The following LOC128125818 variants were observed in gnomAD, a reference collection of about 807,000 sequenced individuals.
At chr4:6,065,855 C>T in the LOC128125818 span, among the ~76,000 whole-genome samples, 35 of 152,266 alleles carry the variant, frequency 2.3e-4, no homozygotes, top group East Asian at 7.7e-4. The surrounding 1 kb of genome is among the most constrained non-coding windows in gnomAD (Gnocchi z 5.1). Context: ...GGGCCAGACA[C>T]GGGGCAGGCC....
the LOC128125818 span, chr4:6,069,931 C>A: frequency 2.5e-6 from 1 of 395,986 alleles, no homozygotes; most frequent in Non-Finnish European, 4.4e-6. The surrounding 1 kb of genome is among the most constrained non-coding windows in gnomAD (Gnocchi z 4.5). Flanking sequence ...TCTCTCTCAG[C>A]CACCTGTCTT....
the LOC128125818 span, among the ~76,000 whole-genome samples, chr4:6,068,129 G>T: frequency 6.6e-6 from 1 of 152,186 alleles, no homozygotes; most frequent in Non-Finnish European, 1.5e-5. Flanking sequence ...ACCAGTTAAA[G>T]ACTCAACTCT....
At chr4:6,066,005 T>C in the LOC128125818 span, among the ~76,000 whole-genome samples, 77 of 152,232 alleles carry the variant, frequency 5.1e-4, no homozygotes, top group African/African-American at 1.7e-3. Flanking sequence ...GGTTTTTTTT[T>C]CCCAAACAGC....
chr4:6,065,065 A>G, the LOC128125818 span: 1 of 1,609,094 alleles, frequency 6.2e-7, no homozygotes, highest in Non-Finnish European at 8.5e-7. The surrounding 1 kb of genome is among the most constrained non-coding windows in gnomAD (Gnocchi z 5.1). Context: ...AGAGTCTACC[A>G]GTCCCTGGTC....
the LOC128125818 span, chr4:6,070,035 A>G: frequency 7.5e-6 from 3 of 398,556 alleles, no homozygotes; most frequent in African/African-American, 6.2e-5. Context: ...TCAAAACGCA[A>G]AACCCCGAAC....
At chr4:6,067,544 G>C in the LOC128125818 span, among the ~76,000 whole-genome samples, 1 of 151,386 alleles carries the variant, frequency 6.6e-6, no homozygotes, top group African/African-American at 2.4e-5. The surrounding 1 kb of genome is among the most constrained non-coding windows in gnomAD (Gnocchi z 4.6). Context: ...ACATCCCATG[G>C]TGACAATGGC....
chr4:6,069,321 A>C, the LOC128125818 span, among the ~76,000 whole-genome samples: 2 of 152,246 alleles, frequency 1.3e-5, no homozygotes, highest in African/African-American at 4.8e-5. The surrounding 1 kb of genome is among the most constrained non-coding windows in gnomAD (Gnocchi z 4.5). Flanking sequence ...CATTAGGAGC[A>C]AAAATGTCCA....
the LOC128125818 span, chr4:6,069,956 AT>A: frequency 5.1e-6 from 2 of 395,728 alleles, no homozygotes; most frequent in Non-Finnish European, 8.9e-6. This position sits in a 1 kb window ranked among gnomAD's most constrained non-coding sequence, Gnocchi z 4.5. Context: ...CCTTCCTATC[AT>A]TTTCAACAGA....
chr4:6,069,853 G>A, the LOC128125818 span, among the ~76,000 whole-genome samples: 18 of 152,216 alleles, frequency 1.2e-4, no homozygotes, highest in South Asian at 1.2e-3. The surrounding 1 kb of genome is among the most constrained non-coding windows in gnomAD (Gnocchi z 4.5). Flanking sequence ...CTTCCTCAGC[G>A]GGTCAGATGA....
At chr4:6,069,032 T>C in the LOC128125818 span, among the ~76,000 whole-genome samples, 2 of 152,108 alleles carry the variant, frequency 1.3e-5, no homozygotes, top group Non-Finnish European at 2.9e-5. The surrounding 1 kb of genome is among the most constrained non-coding windows in gnomAD (Gnocchi z 4.5). Flanking sequence ...TCTTTATTAA[T>C]AAAAAATAGA....
the LOC128125818 span, among the ~76,000 whole-genome samples, chr4:6,066,240 G>C: frequency 6.6e-6 from 1 of 152,072 alleles, no homozygotes; most frequent in Non-Finnish European, 1.5e-5. Context: ...GTAAATGTGA[G>C]AAAAATGTGA....
chr4:6,066,727 T>TC, the LOC128125818 span, among the ~76,000 whole-genome samples: 1 of 151,784 alleles, frequency 6.6e-6, no homozygotes, highest in African/African-American at 2.4e-5. Flanking sequence ...CAGCCCTCTC[T>TC]CCCCCTCTCT....
At chr4:6,067,086 CCTT>C in the LOC128125818 span, among the ~76,000 whole-genome samples, 1 of 152,148 alleles carries the variant, frequency 6.6e-6, no homozygotes, top group Non-Finnish European at 1.5e-5. The surrounding 1 kb of genome is among the most constrained non-coding windows in gnomAD (Gnocchi z 4.6). Context: ...TCTGGGGCCT[CCTT>C]CTTTATTCCT....
At chr4:6,066,130 A>G in the LOC128125818 span, among the ~76,000 whole-genome samples, 1 of 152,106 alleles carries the variant, frequency 6.6e-6, no homozygotes, top group African/African-American at 2.4e-5. Flanking sequence ...CTCATCCAAA[A>G]CATGACTTCA....
At chr4:6,068,847 G>C in the LOC128125818 span, among the ~76,000 whole-genome samples, 2 of 152,168 alleles carry the variant, frequency 1.3e-5, no homozygotes, top group Non-Finnish European at 2.9e-5. Flanking sequence ...TGGGATCACA[G>C]GTGTGAGCCA....
chr4:6,065,139 G>T, the LOC128125818 span: 1 of 1,138,582 alleles, frequency 8.8e-7, no homozygotes, highest in Non-Finnish European at 1.3e-6. This position sits in a 1 kb window ranked among gnomAD's most constrained non-coding sequence, Gnocchi z 5.1. Context: ...CACAAGATGC[G>T]GTTGGTGGGC....
At chr4:6,067,750 G>GCACACA in the LOC128125818 span, among the ~76,000 whole-genome samples, 3 of 71,464 alleles carry the variant, frequency 4.2e-5, no homozygotes, top group Admixed American at 2.8e-4. This position sits in a 1 kb window ranked among gnomAD's most constrained non-coding sequence, Gnocchi z 4.6. Context: ...TTCTGCACAC[G>GCACACA]CAGGTCACCC....
the LOC128125818 span, among the ~76,000 whole-genome samples, chr4:6,067,855 C>T: frequency 6.6e-6 from 1 of 151,742 alleles, no homozygotes; most frequent in East Asian, 1.9e-4. This position sits in a 1 kb window ranked among gnomAD's most constrained non-coding sequence, Gnocchi z 4.6. Flanking sequence ...CGCAGGTCAC[C>T]CCCCTGAGCT....
At chr4:6,065,671 T>C in the LOC128125818 span, among the ~76,000 whole-genome samples, 1 of 152,206 alleles carries the variant, frequency 6.6e-6, no homozygotes, top group Non-Finnish European at 1.5e-5. The surrounding 1 kb of genome is among the most constrained non-coding windows in gnomAD (Gnocchi z 5.1). Context: ...AATCATGTAA[T>C]AGACCTTCAC....
Sources: allele counts gnomAD v4.1 joint callset (sites outside exome capture counted in the v4.1 genomes callset), GRCh38; gene constraint gnomAD v4.1.1; non-coding constraint Gnocchi (gnomAD v3.1); transcripts MANE v1.5.